LRRC71: variants seen among roughly 807,000 people sequenced by gnomAD.
LRRC71 encodes the protein leucine-rich repeat-containing protein 71.
Under a neutral mutation model 66.6 loss-of-function variants are expected in LRRC71, and 54 were observed. The observed-to-expected ratio is 0.81, with a 90% confidence interval of 0.65 to 1.02. The LOEUF (loss-of-function observed/expected upper bound fraction) is 1.02. Among genes scored for constraint, LRRC71 ranks in the 50% least tolerant of loss-of-function variants. The pLI is 0.00. For synonymous variants in LRRC71, 323 were observed against 303.9 expected (o/e 1.06, Z -0.65); for missense variants, 724 against 718.0 (o/e 1.01, Z -0.10).
chr1:156,936,264 A>G, downstream of LRRC71: 3 of 750,246 alleles, frequency 4.0e-6, no homozygotes, highest in Non-Finnish European at 5.0e-6. Context: ...TCAGGTAGGT[A>G]TGTGCCTTGT....
Position 156,927,273 on chromosome 1 carries a change from G to A in LRRC71, c.662+3G>A. On this transcript the variant is annotated splice_donor_region_variant and intron_variant, in intron 6 of 14. Transcript: ENST00000337428. ...AAGCTCATGGCCTTGGACAGCACGT[G>A]AGACTCCCTGCCCTCACCCCCTTTC... 6.2e-7 allele frequency: 1 copy of A among 1,613,550 alleles called. No individual in the cohort carries two copies. Among genetic ancestry groups the A allele is most frequent in the South Asian group, 1.1e-5 (1 of 91,000 alleles).
At position 156,924,415 on chromosome 1, in the gene LRRC71, G is replaced by T; in HGVS notation, c.311-9G>T. 6.5e-7 allele frequency: 1 copy of T among 1,549,238 alleles called. No homozygotes were observed. On this transcript the variant is annotated splice_polypyrimidine_tract_variant and intron_variant, in intron 2 of 14. Transcript: ENST00000337428. ...GCTGTTCCCCTCCCTCCTCACCTCTGCCTTCCAGACGATCCGCGGCTGTCG... is the reference window on the plus strand; with the variant it reads ...GCTGTTCCCCTCCCTCCTCACCTCTTCCTTCCAGACGATCCGCGGCTGTCG...
In LRRC71 at chr1:156,929,435, T is replaced by A. The variant is rs1026414429; in HGVS notation, c.1146+6T>A. 1 of 1,613,630 alleles carries A rather than the reference T, an allele frequency of 6.2e-7. No homozygotes were observed. Among genetic ancestry groups the A allele is most frequent in the Middle Eastern group, 1.6e-4 (1 of 6,062 alleles). ...AGAAAAAGGAGAAATCATGGGTAGGTGTGCAATGGGACAGATCCTGGGTGC... is the reference window on the plus strand; with the variant it reads ...AGAAAAAGGAGAAATCATGGGTAGGAGTGCAATGGGACAGATCCTGGGTGC... On this transcript the variant is annotated splice_donor_region_variant and intron_variant, in intron 10 of 14. Coordinates refer to ENST00000337428, the MANE Select transcript of LRRC71 (RefSeq NM_144702.3).
At chr1:156,936,020 C>T (rs749150417), downstream of LRRC71, 4 of 1,613,636 alleles carry the variant, frequency 2.5e-6, no homozygotes, top group Non-Finnish European at 3.4e-6. Context: ...GGTGACGCGG[C>T]TGCGTCTGCT....
At chr1:156,933,176 A>G, downstream of LRRC71, 5 of 528,752 alleles carry the variant, frequency 9.5e-6, no homozygotes, top group South Asian at 1.1e-4. Context: ...GGAATGGCAG[A>G]AAAGTGGTCT....
chr1:156,920,730 A>T lies in LRRC71; in HGVS notation c.-74A>T. On this transcript the variant is annotated 5_prime_UTR_variant, in exon 1 of 15. Coordinates refer to ENST00000337428, the MANE Select transcript of LRRC71 (RefSeq NM_144702.3). This position sits in a 1 kb window ranked among gnomAD's most constrained non-coding sequence, Gnocchi z 4.9. ...GATCCCCTGATTCAGCCACCCCCAG[A>T]CTGAGCCCCGTAGAGTGCGTTCTTA... 1 of 1,400,788 alleles carries T rather than the reference A, an allele frequency of 7.1e-7. No individual in the cohort carries two copies. The highest frequency in any genetic ancestry group is 9.3e-7 in the Non-Finnish European group (1 of 1,074,402). The allele number at this position is 1,400,788 out of a possible 1,614,324, so 86.8% of individuals were successfully genotyped here. A position where few individuals can be genotyped will look rare whatever the true frequency, so the allele number is the denominator to read the frequency against.
rs186347947 is a variant in LRRC71 at position 156,931,053 on chromosome 1, C to T, written c.1329+436C>T. Among the ~76,000 whole-genome samples the T allele has an allele frequency of 1.4e-3, 216 of 152,318 alleles. 1 individual carries two copies. The highest frequency in any genetic ancestry group is 3.1e-3 in the Admixed American group (48 of 15,312). On this transcript the variant is annotated intron_variant, in intron 12 of 14. Transcript: ENST00000337428. Reference sequence around the variant, plus strand: ...GCAGGGCATTTTTATGGTCATGGCACTGCCCCACGCTACCCTGTGCATGGG... The same window carrying T: ...GCAGGGCATTTTTATGGTCATGGCATTGCCCCACGCTACCCTGTGCATGGG...
intron 1 of LRRC71, chr1:156,921,612 T>A (rs1458962114): frequency 2.0e-6 from 2 of 984,992 alleles, no homozygotes; most frequent in South Asian, 9.4e-5. Context: ...TGCTGGTGGA[T>A]GGGGAGAAGG....
intron 1 of LRRC71, 126 bp from the exon 2 acceptor site, chr1:156,923,823 A>G: frequency 1.0e-6 from 1 of 999,106 alleles, no homozygotes. Context: ...CGTACTTCCA[A>G]GCGTTTGCAA....
intron 1 of LRRC71, among the ~76,000 whole-genome samples, chr1:156,923,220 T>C (rs1340830989): frequency 6.6e-6 from 1 of 152,152 alleles, no homozygotes; most frequent in African/African-American, 2.4e-5. Flanking sequence ...CTCCAGGCTG[T>C]CCGGCACTTG....
chr1:156,925,034 C>T lies in LRRC71; in HGVS notation c.593+19C>T. 6.4e-7 allele frequency: 1 copy of T among 1,551,086 alleles called. No homozygotes were observed. The highest frequency in any genetic ancestry group is 1.2e-5 in the South Asian group (1 of 84,036). ...CGCTCAGGTCAGCAGACTGGGAGGCCCCCTGTGCCTGGGAAGCCTGGCTGG... is the reference window on the plus strand; with the variant it reads ...CGCTCAGGTCAGCAGACTGGGAGGCTCCCTGTGCCTGGGAAGCCTGGCTGG... On this transcript the variant is annotated intron_variant, in intron 5 of 14. Transcript: ENST00000337428.
intron 14 of LRRC71, 53 bp from the exon 15 acceptor site, chr1:156,932,800 G>T: frequency 7.4e-7 from 1 of 1,356,080 alleles, no homozygotes; most frequent in Admixed American, 2.1e-5. Flanking sequence ...TTTTCTGCCA[G>T]AGGACTAATC....
At position 156,920,937 on chromosome 1, in the gene LRRC71, T is replaced by C; in HGVS notation, c.134T>C (p.Val45Ala). The C allele has an allele frequency of 2.0e-6, 3 of 1,536,492 alleles. No homozygotes were observed. The Admixed American group carries it at 6.1e-5, about 31-fold the overall frequency. ...AAGCCAGCGACCGTTCTGCCTCCCG[T>C]GGGGGAGGAGGAGCCCAAAAGCCCT... ...KEKPATVLPP[V>A]GEEEPKSPEE... The change falls in exon 1 of 15, where the codon GTG becomes GCG. Residue 45 changes from valine (V) to alanine (A), a missense_variant. Val to Ala is a moderately conservative substitution (Grantham distance 64, BLOSUM62 0). Transcript: ENST00000337428. This position sits in a 1 kb window ranked among gnomAD's most constrained non-coding sequence, Gnocchi z 4.9.
downstream of LRRC71, among the ~76,000 whole-genome samples, chr1:156,934,417 T>A (rs1192270018): frequency 6.6e-6 from 1 of 152,206 alleles, no homozygotes; most frequent in Non-Finnish European, 1.5e-5. Flanking sequence ...TGGCCAGGCC[T>A]GAGGCAACCC....
chr1:156,922,433 GGGCTCGTGTCC>G (rs1393482439), intron 1 of LRRC71, among the ~76,000 whole-genome samples: 1 of 152,164 alleles, frequency 6.6e-6, no homozygotes, highest in Non-Finnish European at 1.5e-5. Flanking sequence ...GGGCAGATGT[GGGCTCGTGTCC>G]GGTAGAGAGT....
Position 156,932,439 on chromosome 1 carries a change from AGGT to A in LRRC71, c.1460_1462del (p.Val487del), listed in dbSNP as rs1654516831. On this transcript the variant is annotated inframe_deletion, in exon 14 of 15. Coordinates refer to ENST00000337428, the MANE Select transcript of LRRC71 (RefSeq NM_144702.3). The stretch of plus-strand genomic sequence containing the variant: ...CTTCCACCAGGGAACCGCATCACAG[AGGT>A]GGGGCTGGAGGGCTTCCTCGCCACG... The A allele has an allele frequency of 1.9e-6, 3 of 1,613,160 alleles. No homozygotes were observed. The highest frequency in any genetic ancestry group is 2.5e-6 in the Non-Finnish European group (3 of 1,179,790).
In LRRC71 at chr1:156,920,872, TG is replaced by T. The variant is rs763615501; in HGVS notation, c.71del (p.Gly24AlafsTer3). ...APRPGTQKSS[G>X]AVTKKGERAA... ...CGCGTCCGGGGACCCAGAAGTCTTC[TG>T]GCGCGGTGACCAAAAAGGGAGAGCG... is the stretch of plus-strand genomic sequence containing the variant. On this transcript the variant is annotated frameshift_variant, in exon 1 of 15. Coordinates refer to ENST00000337428, the MANE Select transcript of LRRC71 (RefSeq NM_144702.3). LOFTEE classifies it high-confidence loss of function. The surrounding 1 kb of genome is among the most constrained non-coding windows in gnomAD (Gnocchi z 4.9). The T allele has an allele frequency of 6.5e-5, 100 of 1,542,714 alleles. No individual in the cohort carries two copies. The highest frequency in any genetic ancestry group is 8.4e-5 in the Non-Finnish European group (96 of 1,143,942).
Position 156,924,436 on chromosome 1 carries a change from TGTCGGG to T in LRRC71, c.327_332del (p.Gly110_Ser111del). ...CTCTGCCTTCCAGACGATCCGCGGC[TGTCGGG>T]GTCCTGCAGCCTCAATAGCCTGGAG... On this transcript the variant is annotated inframe_deletion, in exon 3 of 15. Transcript: ENST00000337428. The T allele has an allele frequency of 1.9e-6, 3 of 1,550,740 alleles. No homozygotes were observed. Among genetic ancestry groups the T allele is most frequent in the Non-Finnish European group, 2.6e-6 (3 of 1,146,946 alleles).
chr1:156,924,851 G>A lies in LRRC71; in HGVS notation c.516-87G>A, dbSNP rs1303859827. 4.0e-6 allele frequency: 6 copies of A among 1,505,704 alleles called. No individual in the cohort carries two copies. In the Admixed American group the frequency reaches 7.9e-5, roughly 20 times the overall value. The allele number at this position is 1,505,704 out of a possible 1,614,324, so 93.3% of individuals were successfully genotyped here. A position where few individuals can be genotyped will look rare whatever the true frequency, so the allele number is the denominator to read the frequency against. On this transcript the variant is annotated intron_variant, in intron 4 of 14. Coordinates refer to ENST00000337428, the MANE Select transcript of LRRC71 (RefSeq NM_144702.3). The stretch of plus-strand genomic sequence containing the variant: ...GGTCGGGGGTGGGGGATGAGGAAGG[G>A]CACCGCTGGGAGAACGGTGTGGGGA...
Sources: gnomAD v4.1 joint callset for allele counts (sites outside exome capture counted in the v4.1 genomes callset) on GRCh38, gnomAD v4.1.1 for gene constraint, Gnocchi (gnomAD v3.1) non-coding constraint, MANE v1.5 for transcripts, NCBI Gene and HGNC (gene_info 2026-07-23, HGNC 2026-07-21) for gene names.